Variants in FCRL6 observed in about 807,000 individuals in gnomAD.
FCRL6 encodes the protein Fc receptor like 6.
Under a neutral mutation model 49.1 loss-of-function variants are expected in FCRL6, and 50 were observed. That is an observed-to-expected ratio of 1.02 (90% CI 0.81 to 1.29). The LOEUF is 1.29. Among genes scored for constraint, FCRL6 ranks in the 50% most tolerant of loss-of-function variants. FCRL6 has a pLI of 0.00. For missense variants in FCRL6, 571 were observed against 518.5 expected (o/e 1.10, Z -0.98); for synonymous variants, 213 against 199.6 (o/e 1.07, Z -0.57).
At chr1:159,813,698 G>A (rs1663220718) in intron 7 of FCRL6, 144 bp downstream of exon 7, 2 of 708,216 alleles carry the variant, frequency 2.8e-6, no homozygotes, top group African/African-American at 1.8e-5. Context: ...TCTAGAAAGG[G>A]CATGAAGAGG....
Position 159,813,509 on chromosome 1 carries a change from C to G in FCRL6, c.1030C>G (p.Pro344Ala). ...CCTAGGGCCCCTTCCATCCCAGATA[C>G]CACCCACAGCTCCAGGTGGAGAGCA... ...RKAGPLPSQI[P>A]PTAPGGEQCP... Residue 344 changes from proline (P) to alanine (A), a missense_variant, in exon 7 of 10, where the codon CCA (proline) becomes GCA (alanine). Pro to Ala is a conservative substitution (Grantham distance 27). Transcript: ENST00000368106. 2 of 1,614,102 alleles carry G rather than the reference C, an allele frequency of 1.2e-6. No homozygotes were observed. The highest frequency in any genetic ancestry group is 1.7e-6 in the Non-Finnish European group (2 of 1,179,944).
chr1:159,815,605 A>T lies in FCRL6; in HGVS notation c.1249A>T (p.Met417Leu), dbSNP rs749210903. 1 of 1,614,198 alleles carries T rather than the reference A, an allele frequency of 6.2e-7. No individual in the cohort carries two copies. The highest frequency in any genetic ancestry group is 1.1e-5 in the South Asian group (1 of 91,084). The change falls in exon 10 of 10, where the codon ATG becomes TTG. Residue 417 changes from methionine to leucine, a missense_variant. Met to Leu is a conservative substitution (Grantham distance 15). Transcript: ENST00000368106. Reference sequence around the variant, plus strand: ...TGAGGTTTCATCCACGGAGGTGAATATGAGAAGCAGGACTCTCCAAGAACC... The same window carrying T: ...TGAGGTTTCATCCACGGAGGTGAATTTGAGAAGCAGGACTCTCCAAGAACC... Reference protein sequence around the residue: ...PSEVSSTEVNMRSRTLQEPLS... With the variant: ...PSEVSSTEVNLRSRTLQEPLS...
rs1401803523 is a variant in FCRL6 at position 159,809,127 on chromosome 1, C to A, written c.486C>A (p.His162Gln). The stretch of plus-strand genomic sequence containing the variant: ...ACACCTTGCAGGACAGGGGCCCTCA[C>A]CCAGAACTCTGCATCCCGGGAGCCA... ...DGHTLQDRGP[H>Q]PELCIPGAKE... Residue 162 changes from histidine (H) to glutamine (Q), a missense_variant, in exon 4 of 10, where the codon CAC becomes CAA. By Grantham distance (24) the His-to-Gln change is conservative (BLOSUM62 0). Coordinates refer to ENST00000368106, the MANE Select transcript of FCRL6 (RefSeq NM_001004310.3). 2 of 1,613,962 alleles carry A rather than the reference C, an allele frequency of 1.2e-6. No homozygotes were observed. Among genetic ancestry groups the A allele is most frequent in the Admixed American group, 1.7e-5 (1 of 59,998 alleles).
At chr1:159,809,818 C>T (rs1662984021) in intron 5 of FCRL6, 135 bp downstream of exon 5, 1 of 814,936 alleles carries the variant, frequency 1.2e-6, no homozygotes, top group Non-Finnish European at 1.9e-6. Context: ...AGCATGGACC[C>T]TAATTAGTCC....
chr1:159,808,993 C>T lies in FCRL6; in HGVS notation c.352C>T (p.Pro118Ser). 6.2e-7 allele frequency: 1 copy of T among 1,613,122 alleles called. No individual in the cohort carries two copies. Residue 118 changes from proline (P) to serine (S), a missense_variant, in exon 4 of 10, where the codon CCC becomes TCC. By Grantham distance (74) the Pro-to-Ser change is moderately conservative (BLOSUM62 -1). Coordinates refer to ENST00000368106, the MANE Select transcript of FCRL6 (RefSeq NM_001004310.3). ...LFPPPVLSAI[P>S]SPEPREGSLV... is the part of the protein sequence containing the mutation. ...TCCACCTCCTGTGCTGAGTGCCATC[C>T]CCTCTCCTGAGCCCCGAGAGGGTAG...
At chr1:159,815,247 G>A (rs767945639) in intron 8 of FCRL6, among the ~76,000 whole-genome samples, 181 bp from the exon 9 acceptor site, 4 of 152,222 alleles carry the variant, frequency 2.6e-5, no homozygotes, top group Admixed American at 1.3e-4. Context: ...CAGCTGGTGT[G>A]TAGTCCAGCT....
intron 2 of FCRL6, among the ~76,000 whole-genome samples, chr1:159,807,581 G>T (rs1486854122): frequency 6.6e-6 from 1 of 152,202 alleles, no homozygotes; most frequent in Non-Finnish European, 1.5e-5. Context: ...CCCTGCTGAG[G>T]GTAGAGATGG....
intron 6 of FCRL6, among the ~76,000 whole-genome samples, chr1:159,813,156 G>T (rs1048642239): frequency 2.6e-5 from 4 of 152,192 alleles, no homozygotes; most frequent in Non-Finnish European, 5.9e-5. Flanking sequence ...CCCAGTGTCT[G>T]GCATATAGTG....
chr1:159,808,099 C>G (rs1270402370), intron 2 of FCRL6, 79 bp from the exon 3 acceptor site: 1 of 1,525,522 alleles, frequency 6.6e-7, no homozygotes, highest in Non-Finnish European at 8.9e-7. Flanking sequence ...AGCAGGAGGC[C>G]TTAGGCTGGG....
chr1:159,809,957 C>A, intron 5 of FCRL6, 137 bp from the exon 6 acceptor site: 1 of 1,100,136 alleles, frequency 9.1e-7, no homozygotes, highest in Non-Finnish European at 1.3e-6. Flanking sequence ...AGCCATCCTT[C>A]ATGCCCATCT....
chr1:159,811,231 G>A (rs778650059), intron 6 of FCRL6, among the ~76,000 whole-genome samples: 4 of 152,150 alleles, frequency 2.6e-5, no homozygotes, highest in Non-Finnish European at 4.4e-5. Context: ...ACCTTTGCTC[G>A]CCTCAGGCCA....
chr1:159,811,068 T>C (rs1386091598), intron 6 of FCRL6, among the ~76,000 whole-genome samples: 1 of 152,228 alleles, frequency 6.6e-6, no homozygotes, highest in Non-Finnish European at 1.5e-5. Context: ...AATTCTGATG[T>C]AGAGGAAAAC....
At chr1:159,810,352 C>T in intron 6 of FCRL6, 136 bp downstream of exon 6, 1 of 1,057,044 alleles carries the variant, frequency 9.5e-7, no homozygotes, top group Non-Finnish European at 1.3e-6. Flanking sequence ...ACTTCTCTTC[C>T]TGTGTCACAC....
At chr1:159,805,293 A>G (rs1447581979) in intron 1 of FCRL6, among the ~76,000 whole-genome samples, 1 of 152,174 alleles carries the variant, frequency 6.6e-6, no homozygotes, top group African/African-American at 2.4e-5. Context: ...AGCAAAGATG[A>G]TACCATGTGA....
chr1:159,804,202 C>A (rs1180528811), intron 1 of FCRL6, among the ~76,000 whole-genome samples: 1 of 152,210 alleles, frequency 6.6e-6, no homozygotes, highest in African/African-American at 2.4e-5. Flanking sequence ...GGCACTGCAG[C>A]CTGTTCCACA....
chr1:159,813,609 T>C, intron 7 of FCRL6, 55 bp downstream of exon 7: 1 of 1,495,056 alleles, frequency 6.7e-7, no homozygotes, highest in Non-Finnish European at 9.3e-7. Context: ...AAGAGCTTCT[T>C]AAGGGAAGTA....
At chr1:159,815,487 A>C (rs1571117621) in intron 9 of FCRL6, 28 bp downstream of exon 9, 1 of 1,614,052 alleles carries the variant, frequency 6.2e-7, no homozygotes, top group South Asian at 1.1e-5. Context: ...CTCCTTTCTC[A>C]CCCTCTCTCT....
rs1439587237 is a variant in FCRL6 at position 159,808,193 on chromosome 1, A to C, written c.68A>C (p.Gln23Pro). Reference sequence around the variant, plus strand: ...TGTCTCGCAGTCTGGCTGTACCTCCAAGCCTGGCCAAACCCTGTGTTTGAA... The same window carrying C: ...TGTCTCGCAGTCTGGCTGTACCTCCCAGCCTGGCCAAACCCTGTGTTTGAA... ...CVGKTVWLYLQAWPNPVFEGD... is the reference protein window; with the variant it reads ...CVGKTVWLYLPAWPNPVFEGD... Residue 23 changes from glutamine to proline, a missense_variant, in exon 3 of 10, where the codon CAA becomes CCA. Transcript: ENST00000368106. 7 of 1,612,102 alleles carry C rather than the reference A, an allele frequency of 4.3e-6. No homozygotes were observed. The South Asian group carries it at 6.6e-5, about 15-fold the overall frequency.
intron 1 of FCRL6, among the ~76,000 whole-genome samples, chr1:159,805,139 A>G (rs1472271736): frequency 1.3e-5 from 2 of 152,210 alleles, no homozygotes; most frequent in East Asian, 1.9e-4. Flanking sequence ...GAGCTCATAG[A>G]TGGGGGTTAG....
Sources: allele counts gnomAD v4.1 joint callset (sites outside exome capture counted in the v4.1 genomes callset), GRCh38; gene constraint gnomAD v4.1.1; transcripts MANE v1.5; gene names NCBI Gene and HGNC (gene_info 2026-07-23, HGNC 2026-07-21).